The following DNM3 variants were observed in gnomAD, a reference collection of about 807,000 sequenced individuals.
DNM3 encodes dynamin-3.
A neutral mutation model predicts 101.6 loss-of-function variants in DNM3; 47 were observed. That is an observed-to-expected ratio of 0.46 (90% CI 0.37 to 0.59). The LOEUF (loss-of-function observed/expected upper bound fraction) is 0.59, where lower values mean the gene tolerates loss of function less well. Among genes scored for constraint, DNM3 ranks in the 20% least tolerant of loss-of-function variants. The pLI is 0.00. For missense variants in DNM3, 849 were observed against 1,085.7 expected (o/e 0.78, Z 3.06); for synonymous variants, 385 against 387.9 (o/e 0.99, Z 0.09).
chr1:172,316,705 T>G (rs1307374495), intron 16 of DNM3, among the ~76,000 whole-genome samples: 1 of 152,080 alleles, frequency 6.6e-6, no homozygotes, highest in African/African-American at 2.4e-5. Flanking sequence ...TAAATATATA[T>G]GCACCCAATA....
At position 172,288,074 on chromosome 1, in the gene DNM3, T is replaced by A. The variant is rs766546282; in HGVS notation, c.1770-20654T>A. ...TCTGTCATGCATTCATTGCAAATTA[T>A]TACCAAACACCAGCGCTGTGCTTAG... On this transcript the variant is annotated intron_variant, in intron 15 of 20. Transcript: ENST00000627582. 9.9e-5 allele frequency among the ~76,000 whole-genome samples: 15 copies of A among 152,204 alleles called. 1 individual carries two copies. Among genetic ancestry groups the A allele is most frequent in the Admixed American group, 3.9e-4 (6 of 15,280 alleles).
intron 9 of DNM3, among the ~76,000 whole-genome samples, chr1:172,046,702 G>C (rs888716832): frequency 6.6e-6 from 1 of 152,044 alleles, no homozygotes. Context: ...TTTTACCATC[G>C]ATAGGATTTC....
chr1:172,305,242 ATAC>A (rs2148862744), intron 15 of DNM3, among the ~76,000 whole-genome samples: 1 of 152,294 alleles, frequency 6.6e-6, no homozygotes, highest in East Asian at 1.9e-4. Context: ...CCACCAGAGA[ATAC>A]TACAAACACA....
At chr1:172,030,538 A>G (rs2048527009) in intron 4 of DNM3, among the ~76,000 whole-genome samples, 1 of 152,242 alleles carries the variant, frequency 6.6e-6, no homozygotes, top group Admixed American at 6.5e-5. Flanking sequence ...ATAAAAGCCA[A>G]AATTGACAAA....
At chr1:172,178,583 T>C (rs999328801) in intron 14 of DNM3, among the ~76,000 whole-genome samples, 2 of 151,382 alleles carry the variant, frequency 1.3e-5, no homozygotes, top group South Asian at 2.1e-4. Flanking sequence ...GGTAGTAAGA[T>C]AGTGCATGCC....
At chr1:172,014,753 A>C (rs1008031372) in intron 4 of DNM3, among the ~76,000 whole-genome samples, 5 of 150,774 alleles carry the variant, frequency 3.3e-5, no homozygotes, top group African/African-American at 1.2e-4. Flanking sequence ...TTGTTTTCTC[A>C]CTTTTTAATT....
intron 11 of DNM3, among the ~76,000 whole-genome samples, chr1:172,069,711 AGGCC>A (rs771049268): frequency 1.3e-5 from 2 of 152,216 alleles, no homozygotes; most frequent in Non-Finnish European, 2.9e-5. Context: ...CACTGGACTT[AGGCC>A]ATGTGCTCGC....
chr1:172,319,090 TACAACTA>T (rs1432398292), intron 16 of DNM3, among the ~76,000 whole-genome samples: 1 of 152,144 alleles, frequency 6.6e-6, no homozygotes, highest in African/African-American at 2.4e-5. Context: ...GCCGCATATC[TACAACTA>T]TCTGATCTTT....
chr1:172,043,632 G>A (rs1029514483), intron 8 of DNM3, among the ~76,000 whole-genome samples: 2 of 152,068 alleles, frequency 1.3e-5, no homozygotes, highest in African/African-American at 4.8e-5. Flanking sequence ...TACAGGAGGG[G>A]GTGATCCAGA....
At chr1:172,326,507 A>G (rs2065942621) in intron 17 of DNM3, among the ~76,000 whole-genome samples, 1 of 152,076 alleles carries the variant, frequency 6.6e-6, no homozygotes, top group Admixed American at 6.6e-5. Flanking sequence ...ACAAATGTAA[A>G]TCAGAATGTT....
chr1:172,343,522 G>T (rs1303273066), intron 17 of DNM3, among the ~76,000 whole-genome samples: 1 of 152,136 alleles, frequency 6.6e-6, no homozygotes, highest in Non-Finnish European at 1.5e-5. Flanking sequence ...AGAGCAGTCA[G>T]TTCTCCTAGG....
intron 14 of DNM3, among the ~76,000 whole-genome samples, chr1:172,247,735 A>G (rs974015208): frequency 6.6e-6 from 1 of 151,426 alleles, no homozygotes; most frequent in Non-Finnish European, 1.5e-5. Flanking sequence ...CCCAGGCTGG[A>G]GTGCAATGGC....
rs562858685 is a variant in DNM3, at chr1:172,406,305, T to C, written c.2523-1467T>C. Among the ~76,000 whole-genome samples the C allele has an allele frequency of 4.6e-5, 7 of 152,150 alleles. No homozygotes were observed. In the South Asian group the frequency reaches 1.5e-3, roughly 32 times the overall value. The stretch of plus-strand genomic sequence containing the variant: ...AATGTAATTGCATGTAACACCATGC[T>C]AAACACTGTATGAAACAAGTTAAGT... On this transcript the variant is annotated intron_variant, in intron 20 of 20. Transcript: ENST00000627582.
At chr1:171,867,207 G>A (rs941335519) in intron 1 of DNM3, among the ~76,000 whole-genome samples, 1 of 152,164 alleles carries the variant, frequency 6.6e-6, no homozygotes, top group Admixed American at 6.5e-5. Flanking sequence ...GCTTTGAACT[G>A]ATTTGAAGAA....
chr1:171,842,661 T>G (rs1157833987), intron 1 of DNM3, among the ~76,000 whole-genome samples: 1 of 152,190 alleles, frequency 6.6e-6, no homozygotes, highest in Non-Finnish European at 1.5e-5. Context: ...AGCATCATCT[T>G]CCGTTCTCTA....
At chr1:172,039,350 C>T (rs2049198213) in intron 7 of DNM3, among the ~76,000 whole-genome samples, 1 of 152,034 alleles carries the variant, frequency 6.6e-6, no homozygotes, top group African/African-American at 2.4e-5. Context: ...AAAGTGCACA[C>T]TATAATTTCT....
chr1:171,885,676 A>T (rs2036694086), intron 1 of DNM3, among the ~76,000 whole-genome samples: 1 of 152,084 alleles, frequency 6.6e-6, no homozygotes, highest in Non-Finnish European at 1.5e-5. Context: ...CTAGAGCTTG[A>T]ACCCTTCTAC....
chr1:172,298,797 A>T (rs1023385206), intron 15 of DNM3, among the ~76,000 whole-genome samples: 1 of 152,082 alleles, frequency 6.6e-6, no homozygotes, highest in Admixed American at 6.6e-5. Context: ...ATGAAAATAC[A>T]TAACTAAATA....
chr1:172,134,308 C>T (rs1168081383), intron 14 of DNM3, among the ~76,000 whole-genome samples: 1 of 152,066 alleles, frequency 6.6e-6, no homozygotes, highest in Non-Finnish European at 1.5e-5. Context: ...GAAAGCTGGC[C>T]TTCGTGAATT....
Sources: gnomAD v4.1 joint callset for allele counts (sites outside exome capture counted in the v4.1 genomes callset) on GRCh38, gnomAD v4.1.1 for gene constraint, MANE v1.5 for transcripts, NCBI Gene and HGNC (gene_info 2026-07-23, HGNC 2026-07-21) for gene names.